RBMS3: variants seen among roughly 807,000 people sequenced by gnomAD.
RBMS3 encodes the protein RNA-binding motif, single-stranded-interacting protein 3.
A neutral mutation model predicts 66.8 loss-of-function variants in RBMS3; 27 were observed. The ratio of observed to expected loss-of-function variants is 0.40; its 90% CI spans 0.30 to 0.56. The LOEUF is 0.56. RBMS3 is among the 20% of genes least tolerant of loss of function. RBMS3 has a pLI of 0.40. For synonymous variants in RBMS3, 188 were observed against 183.0 expected, an observed-to-expected ratio of 1.03 and a Z score of -0.22; for missense variants, 513 against 549.5, an observed-to-expected ratio of 0.93 and a Z score of 0.66.
At chr3:29,994,268 C>T (rs551890578) in intron 14 of RBMS3, among the ~76,000 whole-genome samples, 4 of 151,796 alleles carry the variant, frequency 2.6e-5, no homozygotes, top group Non-Finnish European at 4.4e-5. Context: ...GCACCTGGCT[C>T]GGAGGGTCCT....
chr3:29,936,142 G>C lies in RBMS3; in HGVS notation c.996G>C (p.Met332Ile). 2 of 1,613,364 alleles carry C rather than the reference G, an allele frequency of 1.2e-6. No individual in the cohort carries two copies. Among genetic ancestry groups the C allele is most frequent in the Non-Finnish European group, 8.5e-7 (1 of 1,179,552 alleles). ...CCATGTCAATGCAGCCAGCCAACAT[G>C]ATGGGCCCACTGACACAGCAGATGA... ...DHPMSMQPAN[M>I]MGPLTQQMNH... Residue 332 changes from methionine to isoleucine, a missense_variant, in exon 11 of 15, where the codon ATG becomes ATC. Physicochemically the swap from Met to Ile is conservative, Grantham distance 10. Coordinates refer to ENST00000383767, the MANE Select transcript of RBMS3 (RefSeq NM_001003793.3).
Position 29,409,343 on chromosome 3 carries a change from A to G in RBMS3, c.76-25400A>G, listed in dbSNP as rs1261072956. Among the ~76,000 whole-genome samples, 3 of 145,768 alleles carry G rather than the reference A, an allele frequency of 2.1e-5. No individual in the cohort carries two copies. The East Asian group carries it at 6.1e-4, about 30-fold the overall frequency. Reference sequence around the variant, plus strand: ...ACTTCTCTACCTGGACTCTTTTTTCATATATTATCTCATTCTCCAGAGTCT... The same window carrying G: ...ACTTCTCTACCTGGACTCTTTTTTCGTATATTATCTCATTCTCCAGAGTCT... On this transcript the variant is annotated intron_variant, in intron 1 of 14. Coordinates refer to ENST00000383767, the MANE Select transcript of RBMS3 (RefSeq NM_001003793.3).
chr3:29,584,851 T>C (rs9835834), intron 3 of RBMS3, among the ~76,000 whole-genome samples: 9,046 of 152,108 alleles, frequency 0.059, 554 homozygotes, highest in East Asian at 0.32. Context: ...CATCTCCTGA[T>C]CCCATTCTAG....
At chr3:29,562,804 G>T (rs571086465) in intron 3 of RBMS3, among the ~76,000 whole-genome samples, 3 of 152,110 alleles carry the variant, frequency 2.0e-5, no homozygotes, top group Admixed American at 2.0e-4. Flanking sequence ...ATAAGCATAG[G>T]TTATCTTTGA....
intron 4 of RBMS3, among the ~76,000 whole-genome samples, chr3:29,704,964 TG>T (rs2052806944): frequency 6.6e-6 from 1 of 152,228 alleles, no homozygotes; most frequent in Admixed American, 6.5e-5. Context: ...CAAGATATCT[TG>T]TCACATGATC....
At chr3:29,811,094 C>T (rs190593159) in intron 6 of RBMS3, among the ~76,000 whole-genome samples, 19 of 152,168 alleles carry the variant, frequency 1.2e-4, no homozygotes, top group African/African-American at 4.6e-4. Flanking sequence ...TCCTGTGGTA[C>T]TGGTGTTGGG....
At chr3:29,928,639 T>A (rs116613294) in intron 10 of RBMS3, among the ~76,000 whole-genome samples, 2,597 of 152,240 alleles carry the variant, frequency 0.017, 33 homozygotes, top group Middle Eastern at 0.034. Context: ...AACACATGTA[T>A]TTTTATGTAA....
intron 12 of RBMS3, among the ~76,000 whole-genome samples, chr3:29,985,852 G>C (rs1698351496): frequency 6.6e-6 from 1 of 152,082 alleles, no homozygotes; most frequent in African/African-American, 2.4e-5. Flanking sequence ...ACTCCAGTTT[G>C]GCAAGGAAAG....
chr3:29,996,106 G>GGGGTTGCAATC (rs1699210406), intron 14 of RBMS3, among the ~76,000 whole-genome samples: 1 of 150,680 alleles, frequency 6.6e-6, no homozygotes, highest in African/African-American at 2.4e-5. Flanking sequence ...AAAAAAGGCA[G>GGGGTTGCAATC]GGGTTGCAAT....
intron 6 of RBMS3, among the ~76,000 whole-genome samples, chr3:29,846,881 G>T (rs1576981502): frequency 6.6e-6 from 1 of 152,124 alleles, no homozygotes; most frequent in South Asian, 2.1e-4. Flanking sequence ...GTTTTAAAAA[G>T]AACTATGTTG....
At chr3:29,854,237 C>T (rs977000334) in intron 6 of RBMS3, among the ~76,000 whole-genome samples, 2 of 152,188 alleles carry the variant, frequency 1.3e-5, no homozygotes, top group African/African-American at 4.8e-5. Flanking sequence ...CCACCCCAGC[C>T]ACAGTGTGCT....
intron 1 of RBMS3, among the ~76,000 whole-genome samples, chr3:29,299,164 T>C (rs936996765): frequency 3.3e-5 from 5 of 151,836 alleles, no homozygotes; most frequent in African/African-American, 1.2e-4. Context: ...ATTTGGTATA[T>C]TGCTTAAGTA....
intron 6 of RBMS3, among the ~76,000 whole-genome samples, chr3:29,852,384 G>T (rs146805821): frequency 5.9e-4 from 90 of 152,238 alleles, no homozygotes; most frequent in South Asian, 1.0e-3. Context: ...ACAACCTACA[G>T]AATAGGAGAA....
intron 12 of RBMS3, among the ~76,000 whole-genome samples, chr3:29,979,327 T>C (rs887149811): frequency 2.0e-5 from 3 of 152,214 alleles, no homozygotes; most frequent in African/African-American, 7.2e-5. Flanking sequence ...GTTTTGGTCA[T>C]GTTGACAACT....
chr3:29,549,020 T>A (rs532936287), intron 3 of RBMS3, among the ~76,000 whole-genome samples: 1 of 151,216 alleles, frequency 6.6e-6, no homozygotes, highest in East Asian at 1.9e-4. Flanking sequence ...AACAAAGATA[T>A]GTACACAAGC....
chr3:29,658,004 G>A (rs537609839), intron 4 of RBMS3, among the ~76,000 whole-genome samples: 14 of 152,250 alleles, frequency 9.2e-5, no homozygotes, highest in African/African-American at 3.4e-4. Flanking sequence ...CTGTCTTTAG[G>A]CCGTAGAGTG....
At chr3:29,997,960 G>T (rs973466226) in intron 14 of RBMS3, among the ~76,000 whole-genome samples, 4 of 152,168 alleles carry the variant, frequency 2.6e-5, no homozygotes, top group African/African-American at 7.2e-5. Context: ...ATTCAATTAG[G>T]AAAAGAGGAA....
At chr3:29,511,802 G>T (rs919044372) in intron 3 of RBMS3, among the ~76,000 whole-genome samples, 10 of 151,390 alleles carry the variant, frequency 6.6e-5, no homozygotes, top group African/African-American at 2.4e-4. Flanking sequence ...GGATCCAATT[G>T]TGTCTTGGGA....
At chr3:29,946,654 A>C (rs1695335243) in intron 12 of RBMS3, among the ~76,000 whole-genome samples, 2 of 151,764 alleles carry the variant, frequency 1.3e-5, no homozygotes, top group Middle Eastern at 3.4e-3. Context: ...AATCCTCAGG[A>C]AGACAAATAC....
Sources: gnomAD v4.1 joint callset for allele counts (sites outside exome capture counted in the v4.1 genomes callset) on GRCh38, gnomAD v4.1.1 for gene constraint, MANE v1.5 for transcripts, NCBI Gene and HGNC (gene_info 2026-07-23, HGNC 2026-07-21) for gene names.